MPHOSPH8: variants seen among roughly 807,000 people sequenced by gnomAD.
The protein encoded by MPHOSPH8 is M-phase phosphoprotein 8.
Under a neutral mutation model 87.3 loss-of-function variants are expected in MPHOSPH8, and 45 were observed. The ratio of observed to expected loss-of-function variants is 0.52; its 90% confidence interval spans 0.41 to 0.66. The LOEUF (loss-of-function observed/expected upper bound fraction) is 0.66, where lower values mean the gene tolerates loss of function less well. MPHOSPH8 is among the 30% of genes least tolerant of loss of function. MPHOSPH8 has a pLI of 0.00. For synonymous variants in MPHOSPH8, 366 were observed against 376.9 expected (o/e 0.97, Z 0.33); for missense variants, 883 against 1,020.2 (o/e 0.87, Z 1.83).
Position 19,646,613 on chromosome 13 carries a change from C to T in MPHOSPH8, c.540C>T (p.Asp180=). The T allele has an allele frequency of 6.3e-7, 1 of 1,583,820 alleles. No homozygotes were observed. Among genetic ancestry groups the T allele is most frequent in the South Asian group, 1.2e-5 (1 of 84,162 alleles). ...KKKAKAGKLK[D]KSKPDLESSL... ...AAGCAAAGGCCGGGAAGCTAAAAGA[C>T]AAGTCCAAACCAGACCTGGAGAGCT... Residue 180 remains aspartate (D), a synonymous_variant, in exon 3 of 14, where the codon GAC becomes GAT. Coordinates refer to ENST00000361479, the MANE Select transcript of MPHOSPH8 (RefSeq NM_017520.4).
chr13:19,650,752 A>T (rs1874800860), intron 5 of MPHOSPH8, among the ~76,000 whole-genome samples: 1 of 96,102 alleles, frequency 1.0e-5, no homozygotes, highest in African/African-American at 2.6e-5. Flanking sequence ...ACATGTTTAT[A>T]ACTAGGACCT....
chr13:19,660,185 G>A (rs547825189), intron 7 of MPHOSPH8, among the ~76,000 whole-genome samples: 49 of 151,006 alleles, frequency 3.2e-4, no homozygotes, highest in Non-Finnish European at 6.0e-4. Context: ...AGCCAGGATG[G>A]TCTCGATCTC....
chr13:19,648,614 T>A (rs1382676243), intron 4 of MPHOSPH8, 93 bp downstream of exon 4: 1 of 499,746 alleles, frequency 2.0e-6, no homozygotes, highest in Non-Finnish European at 3.1e-6. Context: ...ATTTATATAA[T>A]TTTTTTTCCT....
chr13:19,668,863 A>AAC (rs1875965069), intron 11 of MPHOSPH8, among the ~76,000 whole-genome samples: 1 of 152,190 alleles, frequency 6.6e-6, no homozygotes, highest in Non-Finnish European at 1.5e-5. Context: ...TGCCCTTTGA[A>AAC]AAAGAAAAAA....
intron 1 of MPHOSPH8, among the ~76,000 whole-genome samples, chr13:19,639,366 A>C (rs932681476): frequency 6.6e-6 from 1 of 151,440 alleles, no homozygotes; most frequent in East Asian, 2.0e-4. Context: ...GCTGGAGTAC[A>C]ATGGTGTGAT....
chr13:19,645,041 G>A (rs1317715330), intron 2 of MPHOSPH8, among the ~76,000 whole-genome samples: 2 of 152,094 alleles, frequency 1.3e-5, no homozygotes, highest in Admixed American at 1.3e-4. Flanking sequence ...AATCCTAGCA[G>A]TTTTTCCTCC....
rs141038846 is a variant in MPHOSPH8 at position 19,668,038 on chromosome 13, C to T, written c.2175-339C>T. On this transcript the variant is annotated intron_variant, in intron 10 of 13. Transcript: ENST00000361479. ...GAGTGACCCACTTTCCTGATTTGCC[C>T]AGTACTGAGGGGTTCCCCTTTCTGA... is the stretch of plus-strand genomic sequence containing the variant. 5.1e-4 allele frequency among the ~76,000 whole-genome samples: 78 copies of T among 152,288 alleles called. No individual in the cohort carries two copies. The East Asian group carries it at 0.012, about 23-fold the overall frequency.
At chr13:19,671,361 A>C in intron 13 of MPHOSPH8, 72 bp downstream of exon 13, 4 of 1,411,944 alleles carry the variant, frequency 2.8e-6, no homozygotes, top group Non-Finnish European at 4.0e-6. Flanking sequence ...CAACATTAGA[A>C]AAAAAATTCC....
At chr13:19,640,308 G>T (rs755327712) in intron 1 of MPHOSPH8, among the ~76,000 whole-genome samples, 1 of 152,152 alleles carries the variant, frequency 6.6e-6, no homozygotes, top group African/African-American at 2.4e-5. Flanking sequence ...TTTAGACAGC[G>T]CATGGCACAT....
rs544607230 is a variant in MPHOSPH8 at position 19,650,682 on chromosome 13, CAAGAAG to C, written c.1576+428_1576+433del. On this transcript the variant is annotated intron_variant, in intron 5 of 13. Transcript: ENST00000361479. ...CTGTCCTGAGGACATTGGAGCTGGT[CAAGAAG>C]AAGAATACAGACTACAGTAGTGGTG... 2.6e-5 allele frequency among the ~76,000 whole-genome samples: 4 copies of C among 152,134 alleles called. No homozygotes were observed. In the South Asian group the frequency reaches 8.3e-4, roughly 32 times the overall value.
intron 5 of MPHOSPH8, among the ~76,000 whole-genome samples, chr13:19,651,502 G>C (rs989729417): frequency 6.6e-5 from 10 of 151,680 alleles, no homozygotes; most frequent in Non-Finnish European, 1.5e-4. Flanking sequence ...ACTCCAGCTT[G>C]GGTGACACAG....
At chr13:19,636,891 A>G (rs537330752) in intron 1 of MPHOSPH8, among the ~76,000 whole-genome samples, 39 of 152,332 alleles carry the variant, frequency 2.6e-4, no homozygotes, top group African/African-American at 9.1e-4. Context: ...TTTGGCTACC[A>G]AGAAATAGAC....
intron 5 of MPHOSPH8, among the ~76,000 whole-genome samples, chr13:19,652,863 G>A (rs1486819268): frequency 1.3e-5 from 2 of 149,932 alleles, no homozygotes; most frequent in Non-Finnish European, 3.0e-5. Context: ...AGGCTGCTGT[G>A]GCCAGACTGC....
intron 7 of MPHOSPH8, among the ~76,000 whole-genome samples, chr13:19,661,332 A>G (rs1230338074): frequency 6.6e-6 from 1 of 152,236 alleles, no homozygotes; most frequent in Admixed American, 6.5e-5. Flanking sequence ...TGCTGACACA[A>G]CAACACAAAA....
rs373075019 is a variant in MPHOSPH8, at chr13:19,661,760, A to T, written c.1854A>T (p.Arg618=). Residue 618 remains arginine (R), a synonymous_variant, in exon 8 of 14, where the codon CGA becomes CGT. Transcript: ENST00000361479. ...CCGGAGGGCAGGACGACCTCCTGCG[A>T]CTCCTCATCACAAAAGGCGCGAAAG... ...AAAGGQDDLL[R]LLITKGAKVN... The T allele has an allele frequency of 6.2e-7, 1 of 1,612,530 alleles. No individual in the cohort carries two copies. Among genetic ancestry groups the T allele is most frequent in the African/African-American group, 1.3e-5 (1 of 74,808 alleles).
chr13:19,656,737 G>A (rs1472911601), intron 5 of MPHOSPH8, among the ~76,000 whole-genome samples: 1 of 151,886 alleles, frequency 6.6e-6, no homozygotes, highest in East Asian at 1.9e-4. Flanking sequence ...TCCAGCCTGG[G>A]GGACAAGAGT....
chr13:19,640,110 C>CA, intron 1 of MPHOSPH8, among the ~76,000 whole-genome samples: 1 of 151,468 alleles, frequency 6.6e-6, no homozygotes, highest in Non-Finnish European at 1.5e-5. Flanking sequence ...AAAAAACAAC[C>CA]AAAAAGAAAA....
chr13:19,665,803 T>C (rs955382127), intron 9 of MPHOSPH8, among the ~76,000 whole-genome samples: 1 of 152,204 alleles, frequency 6.6e-6, no homozygotes, highest in African/African-American at 2.4e-5. Context: ...AAGGGACTTA[T>C]CTGAAGTCAC....
rs1170718082 is a variant in MPHOSPH8 at position 19,648,450 on chromosome 13, A to G, written c.1247A>G (p.Lys416Arg). The change falls in exon 4 of 14, where the codon AAA (lysine) becomes AGA (arginine). Residue 416 changes from lysine (K) to arginine (R), a missense_variant. By Grantham distance (26) the Lys-to-Arg change is conservative (BLOSUM62 2). This residue lies in a region of MPHOSPH8 where 741 missense variants were observed against 841.5 expected (regional missense o/e 0.88). Coordinates refer to ENST00000361479, the MANE Select transcript of MPHOSPH8 (RefSeq NM_017520.4). ...EDKETKRNES[K>R]EKYQKRHDSD... ...AAAGAAACCAAAAGAAATGAATCCA[A>G]AGAAAAATATCAGAAAAGGCATGAT... The G allele has an allele frequency of 1.3e-6, 2 of 1,594,694 alleles. No homozygotes were observed. Among genetic ancestry groups the G allele is most frequent in the Non-Finnish European group, 1.7e-6 (2 of 1,171,500 alleles).
Sources: allele counts gnomAD v4.1 joint callset (sites outside exome capture counted in the v4.1 genomes callset), GRCh38; gene constraint gnomAD v4.1.1; regional missense constraint gnomAD v4.1.1; transcripts MANE v1.5; gene names NCBI Gene and HGNC (gene_info 2026-07-23, HGNC 2026-07-21).